MUC13: variants seen among roughly 807,000 people sequenced by gnomAD.
The protein encoded by MUC13 is mucin-13.
Under a neutral mutation model 48.3 loss-of-function variants are expected in MUC13, and 32 were observed. That is an observed-to-expected ratio of 0.66 (90% CI 0.50 to 0.89). The LOEUF (loss-of-function observed/expected upper bound fraction) is 0.89. Ranked by LOEUF, MUC13 falls within the 40% of genes least tolerant of loss-of-function variation. MUC13 has a pLI of 0.00. For synonymous variants in MUC13, 199 were observed against 224.9 expected (o/e 0.88, Z 1.03); for missense variants, 571 against 622.8 (o/e 0.92, Z 0.88).
At chr3:124,913,429 T>A in intron 7 of MUC13, 133 bp downstream of exon 7, 2 of 1,498,246 alleles carry the variant, frequency 1.3e-6, no homozygotes, top group Non-Finnish European at 1.8e-6. Context: ...CCATGGTCCA[T>A]ATGTCTAAAG....
intron 8 of MUC13, 199 bp from the exon 9 acceptor site, chr3:124,912,340 AG>A (rs1410718693): frequency 1.1e-5 from 8 of 712,304 alleles, no homozygotes; most frequent in Admixed American, 3.0e-5. Flanking sequence ...TGGAAGGGTG[AG>A]GGGGGTACGC....
Position 124,927,450 on chromosome 3 carries a change from AC to A in MUC13, c.514+81del. On this transcript the variant is annotated intron_variant, in intron 2 of 11. Coordinates refer to ENST00000616727, the MANE Select transcript of MUC13 (RefSeq NM_033049.4). ...TGGGCCTCTTTAGACCCATTTTCCT[AC>A]CCCACCAGAACATACCCACCTCCCT... The A allele has an allele frequency of 3.0e-6, 4 of 1,355,810 alleles. No individual in the cohort carries two copies. The East Asian group carries it at 9.2e-5, about 31-fold the overall frequency. The allele number at this position is 1,355,810 out of a possible 1,614,324, so 84.0% of individuals were successfully genotyped here. A position where few individuals can be genotyped will look rare whatever the true frequency, so the allele number is the denominator to read the frequency against.
At chr3:124,932,003 C>A (rs1935807491) in intron 1 of MUC13, among the ~76,000 whole-genome samples, 1 of 152,026 alleles carries the variant, frequency 6.6e-6, no homozygotes, top group Non-Finnish European at 1.5e-5. Context: ...CAAGATGGCG[C>A]CATTGCACTC....
At chr3:124,931,750 A>C (rs1935802401) in intron 1 of MUC13, among the ~76,000 whole-genome samples, 1 of 137,580 alleles carries the variant, frequency 7.3e-6, no homozygotes, top group African/African-American at 2.8e-5. Flanking sequence ...CTCCATCTCA[A>C]AAAGTAATAT....
intron 10 of MUC13, among the ~76,000 whole-genome samples, chr3:124,909,485 CGTGTGTGTGTGTGT>C (rs71148156): frequency 6.7e-6 from 1 of 148,454 alleles, no homozygotes; most frequent in South Asian, 2.2e-4. Flanking sequence ...TGTGTGCTTG[CGTGTGTGTGTGTGT>C]GTGTGTGTGT....
chr3:124,917,056 G>A (rs1434808637), intron 5 of MUC13, among the ~76,000 whole-genome samples: 1 of 152,098 alleles, frequency 6.6e-6, no homozygotes, highest in Non-Finnish European at 1.5e-5. Flanking sequence ...AAGAGGGCCG[G>A]GGCTGCGGGA....
chr3:124,912,496 C>T (rs1006416807), intron 8 of MUC13, among the ~76,000 whole-genome samples: 1 of 152,206 alleles, frequency 6.6e-6, no homozygotes, highest in Admixed American at 6.5e-5. Context: ...GGCTCTGCCA[C>T]TTATTTGTTG....
intron 11 of MUC13, 145 bp downstream of exon 11, chr3:124,908,002 A>ATCTC (rs143529974): frequency 4.0e-5 from 29 of 732,458 alleles, no homozygotes; most frequent in Admixed American, 6.3e-5. Context: ...TTCCTTTTTG[A>ATCTC]TCTCTCTCTC....
intron 5 of MUC13, among the ~76,000 whole-genome samples, chr3:124,919,789 T>C (rs1935563147): frequency 6.6e-6 from 1 of 152,118 alleles, no homozygotes; most frequent in African/African-American, 2.4e-5. Flanking sequence ...CCACTGACCC[T>C]TCTCTAGCCA....
At chr3:124,912,818 C>T (rs1935445092) in intron 8 of MUC13, among the ~76,000 whole-genome samples, 1 of 151,874 alleles carries the variant, frequency 6.6e-6, no homozygotes, top group Admixed American at 6.6e-5. Flanking sequence ...CACCTGTAAT[C>T]CCAGCTACTC....
intron 10 of MUC13, 33 bp downstream of exon 10, chr3:124,910,382 A>G (rs779986377): frequency 1.1e-5 from 18 of 1,599,308 alleles, no homozygotes; most frequent in Non-Finnish European, 1.5e-5. Flanking sequence ...CTATAAAAAA[A>G]AAAAATTTAA....
intron 11 of MUC13, 54 bp downstream of exon 11, chr3:124,908,093 C>T (rs1481753980): frequency 1.9e-6 from 3 of 1,580,898 alleles, no homozygotes; most frequent in African/African-American, 1.3e-5. Flanking sequence ...CAGGTCTCTG[C>T]TCTGCCCTGG....
intron 5 of MUC13, among the ~76,000 whole-genome samples, chr3:124,918,198 C>A (rs1457780006): frequency 6.6e-6 from 1 of 151,978 alleles, no homozygotes; most frequent in Admixed American, 6.6e-5. Context: ...AGGGGAGAGA[C>A]AATTTGGGGC....
intron 2 of MUC13, among the ~76,000 whole-genome samples, chr3:124,925,787 T>A (rs957902208): frequency 3.9e-4 from 60 of 152,252 alleles, no homozygotes; most frequent in Non-Finnish European, 4.4e-4. Flanking sequence ...CTAATTTTTG[T>A]ATTTTTCTGT....
intron 10 of MUC13, among the ~76,000 whole-genome samples, chr3:124,908,614 A>T (rs1935354590): frequency 6.6e-6 from 1 of 152,198 alleles, no homozygotes; most frequent in Admixed American, 6.5e-5. Context: ...TTGATGCCCC[A>T]CAAATAATGA....
chr3:124,929,468 T>A (rs777670338), intron 1 of MUC13, among the ~76,000 whole-genome samples: 2 of 152,228 alleles, frequency 1.3e-5, no homozygotes, highest in Non-Finnish European at 2.9e-5. Context: ...TGCAGAGAAC[T>A]GCAGAATATG....
intron 1 of MUC13, among the ~76,000 whole-genome samples, chr3:124,933,878 C>T (rs1038533460): frequency 1.3e-5 from 2 of 152,228 alleles, no homozygotes; most frequent in African/African-American, 4.8e-5. Flanking sequence ...CTGCTGACCT[C>T]ACCCACATGT....
chr3:124,934,055 G>A (rs189540739), intron 1 of MUC13, among the ~76,000 whole-genome samples: 1 of 152,266 alleles, frequency 6.6e-6, no homozygotes, highest in East Asian at 1.9e-4. Flanking sequence ...GATCCAGAAC[G>A]CTATAGTAGA....
intron 8 of MUC13, among the ~76,000 whole-genome samples, chr3:124,912,515 G>A (rs1020801482): frequency 2.0e-5 from 3 of 152,260 alleles, no homozygotes; most frequent in East Asian, 1.9e-4. Flanking sequence ...TGCCCTGTGA[G>A]CTGGAGGATG....
Sources: allele counts gnomAD v4.1 joint callset (sites outside exome capture counted in the v4.1 genomes callset), GRCh38; gene constraint gnomAD v4.1.1; transcripts MANE v1.5; gene names NCBI Gene and HGNC (gene_info 2026-07-23, HGNC 2026-07-21).